ECM2: variants seen among roughly 807,000 people sequenced by gnomAD.
ECM2 encodes the protein extracellular matrix protein 2, also known as extracellular matrix protein 2, female organ and adipocyte specific.
Under a neutral mutation model 67.5 loss-of-function variants are expected in ECM2, and 57 were observed. The observed-to-expected ratio is 0.84, with a 90% CI of 0.68 to 1.05. ECM2 has a LOEUF of 1.05. Among genes scored for constraint, ECM2 ranks in the 50% least tolerant of loss-of-function variants. The pLI is 0.00. For synonymous variants in ECM2, 258 were observed against 294.5 expected, an observed-to-expected ratio of 0.88 and a Z score of 1.27; for missense variants, 741 against 822.8, an observed-to-expected ratio of 0.90 and a Z score of 1.22.
Position 92,500,862 on chromosome 9 carries a change from T to A in ECM2, c.1796A>T (p.Asp599Val). ...ATATGCCCCATAGAAGGAGACACGG[T>A]CCATGCCATCATCAGCAAGTTTGTT... is the stretch of plus-strand genomic sequence containing the variant. ...SFNKLADDGMDRVSFYGAYHS... is the reference protein window; with the variant it reads ...SFNKLADDGMVRVSFYGAYHS... The change falls in exon 9 of 10, where the codon GAC (aspartate) becomes GTC (valine). Residue 599 changes from aspartate to valine, a missense_variant. Asp to Val is a radical substitution (Grantham distance 152). Transcript: ENST00000344604. The A allele has an allele frequency of 1.2e-6, 2 of 1,614,202 alleles. No individual in the cohort carries two copies. The highest frequency in any genetic ancestry group is 8.5e-7 in the Non-Finnish European group (1 of 1,180,046).
chr9:92,521,474 C>T (rs1440392734), intron 2 of ECM2, among the ~76,000 whole-genome samples: 1 of 152,086 alleles, frequency 6.6e-6, no homozygotes, highest in Non-Finnish European at 1.5e-5. Flanking sequence ...TATATTATTT[C>T]TGTTAAATAC....
intron 5 of ECM2, among the ~76,000 whole-genome samples, chr9:92,510,527 A>T (rs1306689894): frequency 2.6e-5 from 4 of 152,258 alleles, no homozygotes; most frequent in Non-Finnish European, 5.9e-5. Flanking sequence ...GAAATTTTTC[A>T]AAACCAAGGA....
chr9:92,556,079 G>C, the ECM2 span, among the ~76,000 whole-genome samples: 1,312 of 152,130 alleles, frequency 8.6e-3, 9 homozygotes, highest in Non-Finnish European at 0.014. Context: ...AGGTTTGATA[G>C]GTTGTGTCAT....
At chr9:92,517,656 A>C (rs1304082383) in intron 3 of ECM2, 31 bp downstream of exon 3, 1 of 1,613,024 alleles carries the variant, frequency 6.2e-7, no homozygotes, top group Admixed American at 1.7e-5. Context: ...TTAATCACAC[A>C]CTGATATTTT....
At chr9:92,547,583 T>TTTCA in the ECM2 span, among the ~76,000 whole-genome samples, 1 of 152,338 alleles carries the variant, frequency 6.6e-6, no homozygotes, top group South Asian at 2.1e-4. Context: ...TATTGAATGA[T>TTTCA]TTCATTCGTA....
At chr9:92,500,543 G>A (rs1191669049) in intron 9 of ECM2, among the ~76,000 whole-genome samples, 184 bp downstream of exon 9, 2 of 152,154 alleles carry the variant, frequency 1.3e-5, no homozygotes, top group Non-Finnish European at 2.9e-5. Context: ...AGCTTATAAT[G>A]AATCCTCACA....
Position 92,497,961 on chromosome 9 carries a change from C to G in ECM2, c.1932-1478G>C, listed in dbSNP as rs79582729. Among the ~76,000 whole-genome samples the G allele has an allele frequency of 3.9e-3, 593 of 152,158 alleles. 3 individuals carry two copies. The highest frequency in any genetic ancestry group is 0.013 in the African/African-American group (537 of 41,512). On this transcript the variant is annotated intron_variant, in intron 9 of 9. Coordinates refer to ENST00000344604, the MANE Select transcript of ECM2 (RefSeq NM_001393.4). ...CATGTAATCTCTACACACTCCATCT[C>G]CCCTTCCACCATGAGTGGAAGCAGC... is the stretch of plus-strand genomic sequence containing the variant.
intron 2 of ECM2, 100 bp downstream of exon 2, chr9:92,522,475 C>T (rs1379055229): frequency 3.4e-6 from 4 of 1,188,658 alleles, no homozygotes; most frequent in Non-Finnish European, 4.5e-6. Context: ...AAATTATCTT[C>T]ATGGAGATGT....
intron 2 of ECM2, among the ~76,000 whole-genome samples, chr9:92,521,657 A>G (rs1848078122): frequency 6.6e-6 from 1 of 152,180 alleles, no homozygotes; most frequent in Non-Finnish European, 1.5e-5. Flanking sequence ...AAACCATTTA[A>G]TACGTTTTTA....
intron 1 of ECM2, among the ~76,000 whole-genome samples, chr9:92,533,083 G>A (rs898171895): frequency 9.2e-5 from 14 of 151,440 alleles, no homozygotes; most frequent in African/African-American, 3.4e-4. Context: ...CGGATCACAA[G>A]GTCAGGAGTT....
chr9:92,496,645 T>C (rs1424762272), intron 9 of ECM2, among the ~76,000 whole-genome samples, 162 bp from the exon 10 acceptor site: 2 of 152,206 alleles, frequency 1.3e-5, no homozygotes, highest in African/African-American at 4.8e-5. Flanking sequence ...ATGTGAAAGA[T>C]GAAGCCATAG....
At chr9:92,546,491 G>A in the ECM2 span, among the ~76,000 whole-genome samples, 1 of 151,962 alleles carries the variant, frequency 6.6e-6, no homozygotes, top group Non-Finnish European at 1.5e-5. Context: ...AACCCACTGG[G>A]AGAAAAGAAC....
chr9:92,496,686 CTG>C (rs1846363341), intron 9 of ECM2, among the ~76,000 whole-genome samples: 1 of 152,238 alleles, frequency 6.6e-6, no homozygotes, highest in Non-Finnish European at 1.5e-5. Context: ...GTCACACCCT[CTG>C]ACTCGGGAGA....
chr9:92,551,037 G>A, the ECM2 span, among the ~76,000 whole-genome samples: 1 of 152,188 alleles, frequency 6.6e-6, no homozygotes, highest in African/African-American at 2.4e-5. Context: ...CATAAGCCCT[G>A]GAAACAAAGT....
chr9:92,508,517 A>G (rs1229774777), intron 6 of ECM2, among the ~76,000 whole-genome samples: 1 of 152,214 alleles, frequency 6.6e-6, no homozygotes, highest in Non-Finnish European at 1.5e-5. Flanking sequence ...AACCCAACTA[A>G]AAGTGTGACT....
At chr9:92,533,314 A>C (rs1451483555) in intron 1 of ECM2, among the ~76,000 whole-genome samples, 2 of 95,030 alleles carry the variant, frequency 2.1e-5, no homozygotes, top group South Asian at 4.0e-4. Context: ...AAAAAAAAAA[A>C]AAAAAAAAAA....
At chr9:92,545,232 G>T in the ECM2 span, among the ~76,000 whole-genome samples, 1 of 152,160 alleles carries the variant, frequency 6.6e-6, no homozygotes, top group South Asian at 2.1e-4. Context: ...ACCTGGGATG[G>T]CCGAGGCCGG....
At position 92,522,783 on chromosome 9, in the gene ECM2, C is replaced by T. The variant is rs1342805964; in HGVS notation, c.84G>A (p.Lys28=). The T allele has an allele frequency of 1.2e-6, 2 of 1,613,754 alleles. No individual in the cohort carries two copies. Among genetic ancestry groups the T allele is most frequent in the Admixed American group, 1.7e-5 (1 of 59,974 alleles). Residue 28 remains lysine, a synonymous_variant, in exon 2 of 10, where the codon AAG becomes AAA. Coordinates refer to ENST00000344604, the MANE Select transcript of ECM2 (RefSeq NM_001393.4). ...TTCTGTGGTAGATCTTCCTCCTTTG[C>T]TTCCTAGGAATTTCTTCATTTTTTC... ...DFGKNEEIPR[K]QRRKIYHRRL...
chr9:92,542,218 C>G, the ECM2 span, among the ~76,000 whole-genome samples: 2 of 152,210 alleles, frequency 1.3e-5, no homozygotes, highest in Non-Finnish European at 2.9e-5. Flanking sequence ...GATGTATTCT[C>G]AAGTCCTTTG....
Sources: gnomAD v4.1 joint callset for allele counts (sites outside exome capture counted in the v4.1 genomes callset) on GRCh38, gnomAD v4.1.1 for gene constraint, MANE v1.5 for transcripts, NCBI Gene and HGNC (gene_info 2026-07-23, HGNC 2026-07-21) for gene names.